The following UBN1 variants were observed in gnomAD, a reference collection of about 807,000 sequenced individuals.
UBN1 encodes the protein ubinuclein-1.
UBN1 carries 17 observed loss-of-function variants against 108.5 expected under a neutral mutation model. The observed-to-expected ratio is 0.16, with a 90% confidence interval of 0.11 to 0.24. The LOEUF is 0.24. UBN1 is among the 10% of genes least tolerant of loss of function. The pLI is 1.00. For synonymous variants in UBN1, 726 were observed against 564.2 expected, an observed-to-expected ratio of 1.29 and a Z score of -4.07; for missense variants, 1,595 against 1,394.4, an observed-to-expected ratio of 1.14 and a Z score of -2.29.
At chr16:4,880,020 C>T (rs2088031639) in intron 17 of UBN1, 63 bp from the exon 18 acceptor site, 1 of 1,584,578 alleles carries the variant, frequency 6.3e-7, no homozygotes, top group African/African-American at 1.3e-5. Flanking sequence ...TTGGTTACTA[C>T]TGCCTTAAGG....
rs1053934100 is a variant in UBN1 at position 4,880,370 on chromosome 16, C to T, written c.*238C>T. Reference sequence around the variant, plus strand: ...TGGGCCTTGCAGCTCTGTCGCTAGACGGTTGTTAGAGGGGCAGCTCTAGGC... The same window carrying T: ...TGGGCCTTGCAGCTCTGTCGCTAGATGGTTGTTAGAGGGGCAGCTCTAGGC... On this transcript the variant is annotated 3_prime_UTR_variant, in exon 18 of 18. Transcript: ENST00000262376. 23 of 516,212 alleles carry T rather than the reference C, an allele frequency of 4.5e-5. No homozygotes were observed. In the Middle Eastern group the frequency reaches 2.1e-3, roughly 48 times the overall value. The allele number at this position is 516,212 out of a possible 1,614,324, so 32.0% of individuals were successfully genotyped here.
rs931026834 is a variant in UBN1 at position 4,856,540 on chromosome 16, A to G, written c.250-1450A>G. ...AATGGTACCACCGCAGGTAACAGAA[A>G]TTACAATATGGTCATTGTTTAAGTC... On this transcript the variant is annotated intron_variant, in intron 2 of 17. Coordinates refer to ENST00000262376, the MANE Select transcript of UBN1 (RefSeq NM_001079514.3). Among the ~76,000 whole-genome samples, 6 of 152,250 alleles carry G rather than the reference A, an allele frequency of 3.9e-5. No individual in the cohort carries two copies. In the East Asian group the frequency reaches 9.6e-4, roughly 24 times the overall value.
chr16:4,853,154 G>A lies in UBN1; in HGVS notation c.237G>A (p.Gln79=). 1.2e-6 allele frequency: 2 copies of A among 1,614,190 alleles called. No individual in the cohort carries two copies. Among genetic ancestry groups the A allele is most frequent in the Non-Finnish European group, 1.7e-6 (2 of 1,180,046 alleles). ...KNIRGKVKGL[Q]PGDKKKDLSD... is the part of the protein sequence containing the mutation. ...TCCGAGGGAAGGTAAAAGGCCTTCA[G>A]CCTGGAGATAAGGTACACCCCTTTG... The change falls in exon 2 of 18, where the codon CAG becomes CAA. Residue 79 remains glutamine, a synonymous_variant. Coordinates refer to ENST00000262376, the MANE Select transcript of UBN1 (RefSeq NM_001079514.3).
intron 15 of UBN1, among the ~76,000 whole-genome samples, chr16:4,875,888 A>C (rs1269618940): frequency 6.6e-6 from 1 of 152,124 alleles, no homozygotes; most frequent in Non-Finnish European, 1.5e-5. Context: ...AGAGTCCAAT[A>C]ATTAATGCAT....
chr16:4,850,930 T>G (rs1458091474), intron 1 of UBN1, among the ~76,000 whole-genome samples: 1 of 152,200 alleles, frequency 6.6e-6, no homozygotes, highest in Non-Finnish European at 1.5e-5. Context: ...ATAATAAACA[T>G]GAGCTTTAAC....
At chr16:4,878,732 C>T (rs971692624) in intron 17 of UBN1, among the ~76,000 whole-genome samples, 6 of 152,184 alleles carry the variant, frequency 3.9e-5, no homozygotes, top group Admixed American at 6.5e-5. Context: ...TAATTGAGGC[C>T]GGACGCGGTG....
chr16:4,852,308 G>C (rs938675534), intron 1 of UBN1: 2 of 152,180 alleles, frequency 1.3e-5, no homozygotes, highest in Non-Finnish European at 2.9e-5. Context: ...TTGTTATTTT[G>C]TCAAGGCCAG....
At chr16:4,862,960 C>T (rs2087139800) in intron 7 of UBN1, among the ~76,000 whole-genome samples, 1 of 152,194 alleles carries the variant, frequency 6.6e-6, no homozygotes, top group Non-Finnish European at 1.5e-5. Flanking sequence ...CCAGGAGAGG[C>T]TGATGTTCTG....
chr16:4,875,691 G>A (rs879626205), intron 15 of UBN1, among the ~76,000 whole-genome samples: 5 of 152,208 alleles, frequency 3.3e-5, no homozygotes, highest in Non-Finnish European at 5.9e-5. Flanking sequence ...CAAGCACCAT[G>A]CCTCTTCGGA....
intron 14 of UBN1, 44 bp downstream of exon 14, chr16:4,873,117 C>T: frequency 6.2e-7 from 1 of 1,612,548 alleles, no homozygotes; most frequent in African/African-American, 1.3e-5. Flanking sequence ...TGCCCATCTC[C>T]CTACAACTAT....
intron 1 of UBN1, among the ~76,000 whole-genome samples, chr16:4,849,031 C>T (rs1040935204): frequency 5.9e-5 from 9 of 152,052 alleles, no homozygotes. Context: ...ACCCGGGAAG[C>T]GGAGGTTGCC....
chr16:4,880,234 C>T lies in UBN1; in HGVS notation c.*102C>T. The T allele has an allele frequency of 7.4e-6, 10 of 1,343,368 alleles. No individual in the cohort carries two copies. Among genetic ancestry groups the T allele is most frequent in the Non-Finnish European group, 9.6e-6 (9 of 936,774 alleles). 83.2% of individuals were successfully genotyped at this position (1,343,368 alleles called of 1,614,324 possible). A position where few individuals can be genotyped will look rare whatever the true frequency, so the allele number is the denominator to read the frequency against. ...TGCGCCCTTTCTGCTGCTTGGTGTTCTTCTGGAGGAGCGTGAGTTCTCAGC... is the reference window on the plus strand; with the variant it reads ...TGCGCCCTTTCTGCTGCTTGGTGTTTTTCTGGAGGAGCGTGAGTTCTCAGC... On this transcript the variant is annotated 3_prime_UTR_variant, in exon 18 of 18. Transcript: ENST00000262376.
intron 14 of UBN1, among the ~76,000 whole-genome samples, chr16:4,873,577 C>G (rs1358430692): frequency 6.6e-6 from 1 of 152,124 alleles, no homozygotes; most frequent in Non-Finnish European, 1.5e-5. Context: ...AACATTTTTC[C>G]CAGTTCTTAG....
At position 4,880,211 on chromosome 16, in the gene UBN1, C is replaced by T. The variant is rs544969973; in HGVS notation, c.*79C>T. On this transcript the variant is annotated 3_prime_UTR_variant, in exon 18 of 18. Coordinates refer to ENST00000262376, the MANE Select transcript of UBN1 (RefSeq NM_001079514.3). The stretch of plus-strand genomic sequence containing the variant: ...GGTCTCCCAGGATGTACACTCACTG[C>T]GCCCTTTCTGCTGCTTGGTGTTCTT... 51 of 1,476,988 alleles carry T rather than the reference C, an allele frequency of 3.5e-5. No homozygotes were observed. In the African/African-American group the frequency reaches 3.7e-4, roughly 11 times the overall value. 91.5% of individuals were successfully genotyped at this position (1,476,988 alleles called of 1,614,324 possible).
intron 17 of UBN1, among the ~76,000 whole-genome samples, chr16:4,878,204 C>A (rs538937747): frequency 1.3e-5 from 2 of 152,284 alleles, no homozygotes; most frequent in South Asian, 2.1e-4. Flanking sequence ...TATCCCGAGT[C>A]TGCGATTCTT....
chr16:4,861,057 A>G lies in UBN1; in HGVS notation c.1065A>G (p.Glu355=). The change falls in exon 7 of 18, where the codon GAA becomes GAG. Residue 355 remains glutamate, a synonymous_variant. Transcript: ENST00000262376. ...QEFRQPSSLP[E]GLPAPLEKRV... Reference sequence around the variant, plus strand: ...TCAGGCAGCCCTCTTCTCTCCCCGAAGGCCTGCCAGCACCCCTGGAGAAGC... The same window carrying G: ...TCAGGCAGCCCTCTTCTCTCCCCGAGGGCCTGCCAGCACCCCTGGAGAAGC... 3.1e-6 allele frequency: 5 copies of G among 1,613,972 alleles called. No homozygotes were observed. The highest frequency in any genetic ancestry group is 4.2e-6 in the Non-Finnish European group (5 of 1,180,034).
intron 7 of UBN1, among the ~76,000 whole-genome samples, chr16:4,865,446 C>T (rs1342148678): frequency 2.0e-5 from 3 of 151,602 alleles, no homozygotes; most frequent in African/African-American, 4.9e-5. Context: ...TTTGGGAGGC[C>T]GAGGTGGGAG....
At chr16:4,871,715 T>G (rs2087645782) in intron 12 of UBN1, among the ~76,000 whole-genome samples, 1 of 151,046 alleles carries the variant, frequency 6.6e-6, no homozygotes, top group Admixed American at 6.6e-5. Context: ...ACCTCCCGAG[T>G]AGCTGGGACT....
At chr16:4,871,024 T>G in intron 11 of UBN1, 52 bp downstream of exon 11, 1 of 1,609,824 alleles carries the variant, frequency 6.2e-7, no homozygotes, top group Non-Finnish European at 8.5e-7. Context: ...GGGCAGTGTC[T>G]GAGCACGTCC....
Sources: gnomAD v4.1 joint callset for allele counts (sites outside exome capture counted in the v4.1 genomes callset) on GRCh38, gnomAD v4.1.1 for gene constraint, MANE v1.5 for transcripts, NCBI Gene and HGNC (gene_info 2026-07-23, HGNC 2026-07-21) for gene names.